Variants in ZNF358 observed in about 807,000 individuals in gnomAD.
ZNF358 encodes zinc finger protein 358.
Under a neutral mutation model 2.1 loss-of-function variants are expected in ZNF358, and 1 was observed. That is an observed-to-expected ratio of 0.49 (90% CI 0.17 to 2.30). The LOEUF (loss-of-function observed/expected upper bound fraction) is 2.30, where lower values mean the gene tolerates loss of function less well. ZNF358 is among the 30% of genes most tolerant of loss of function. ZNF358 has a pLI of 0.26. For missense variants in ZNF358, 665 were observed against 806.8 expected (o/e 0.82, Z 2.13); for synonymous variants, 381 against 359.7 (o/e 1.06, Z -0.67).
At position 7,520,442 on chromosome 19, in the gene ZNF358, AGCCGCTGCTGCAGCTGCCGCGGCCGCT is replaced by A; in HGVS notation, c.1203_1229del (p.Ala408_Ala416del). 1 of 1,445,014 alleles carries A rather than the reference AGCCGCTGCTGCAGCTGCCGCGGCCGCT, an allele frequency of 6.9e-7. No individual in the cohort carries two copies. The highest frequency in any genetic ancestry group is 1.2e-5 in the South Asian group (1 of 85,890). The allele number at this position is 1,445,014 out of a possible 1,614,324, so 89.5% of individuals were successfully genotyped here. A position where few individuals can be genotyped will look rare whatever the true frequency, so the allele number is the denominator to read the frequency against. On this transcript the variant is annotated inframe_deletion, in exon 2 of 2. Transcript: ENST00000597229. This position sits in a 1 kb window ranked among gnomAD's most constrained non-coding sequence, Gnocchi z 6.0. The stretch of plus-strand genomic sequence containing the variant: ...AGCACAAACGGGTGCATGAGGGTGC[AGCCGCTGCTGCAGCTGCCGCGGCCGCT>A]GCAGCTGCAGCAGCGGCCGCCGGCC...
At position 7,519,414 on chromosome 19, in the gene ZNF358, G is replaced by A. The variant is rs1256773748; in HGVS notation, c.172G>A (p.Asp58Asn). The A allele has an allele frequency of 6.2e-6, 10 of 1,613,920 alleles. No individual in the cohort carries two copies. Among genetic ancestry groups the A allele is most frequent in the East Asian group, 2.2e-5 (1 of 44,890 alleles). ...CCTCAACACTGTCCCGGAAGACGTG[G>A]ACCCCAGCTATGAAGATCTGGAGCC... ...EDLNTVPEDV[D>N]PSYEDLEPVS... The change falls in exon 2 of 2, where the codon GAC (aspartate) becomes AAC (asparagine). Residue 58 changes from aspartate to asparagine, a missense_variant. By Grantham distance (23) the Asp-to-Asn change is conservative (BLOSUM62 1). Around this residue, in one of 3 missense-constraint regions of ZNF358, gnomAD observed 206 missense variants for 228.4 expected, o/e 0.90. Coordinates refer to ENST00000597229, the MANE Select transcript of ZNF358 (RefSeq NM_018083.5).
At position 7,520,773 on chromosome 19, in the gene ZNF358, G is replaced by C; in HGVS notation, c.1531G>C (p.Asp511His). 1 of 1,613,888 alleles carries C rather than the reference G, an allele frequency of 6.2e-7. No homozygotes were observed. Among genetic ancestry groups the C allele is most frequent in the South Asian group, 1.1e-5 (1 of 91,074 alleles). Residue 511 changes from aspartate (D) to histidine (H), a missense_variant, in exon 2 of 2, where the codon GAC becomes CAC. By Grantham distance (81) the Asp-to-His change is moderately conservative. Coordinates refer to ENST00000597229, the MANE Select transcript of ZNF358 (RefSeq NM_018083.5). The surrounding 1 kb of genome is among the most constrained non-coding windows in gnomAD (Gnocchi z 6.0). ...DAGPDLVPSP[D>H]LDPVPSPDPD... is the part of the protein sequence containing the mutation. ...TGGTCCCGACCTTGTGCCCAGCCCA[G>C]ACCTTGATCCTGTGCCCAGCCCAGA...
Position 7,516,506 on chromosome 19 carries a change from A to G in ZNF358, c.-39+257A>G, listed in dbSNP as rs1181624532. On this transcript the variant is annotated intron_variant, in intron 1 of 1. Transcript: ENST00000597229. The surrounding 1 kb of genome is among the most constrained non-coding windows in gnomAD (Gnocchi z 5.9). The stretch of plus-strand genomic sequence containing the variant: ...AGGGCCAGGAGGTTGGGAGCCTTCA[A>G]TCGGGCGGGGTGGGGGGCGCCCGCC... Among the ~76,000 whole-genome samples the G allele has an allele frequency of 2.0e-5, 3 of 150,150 alleles. No individual in the cohort carries two copies. Among genetic ancestry groups the G allele is most frequent in the Non-Finnish European group, 4.5e-5 (3 of 67,412 alleles).
At chr19:7,515,983 C>A, upstream of ZNF358, 1 of 150,714 alleles carries the variant, frequency 6.6e-6, no homozygotes, top group African/African-American at 2.4e-5. Context: ...GCCGCGCGGT[C>A]GGGGTGGCCT....
At position 7,520,883 on chromosome 19, in the gene ZNF358, C is replaced by T. The variant is rs767310569; in HGVS notation, c.1641C>T (p.Ala547=). ...CSPTRGTVSP[A]LPTGESPEWV... ...CCACTCGTGGCACTGTCAGCCCAGC[C>T]CTCCCTACCGGCGAGAGTCCAGAGT... Residue 547 remains alanine (A), a synonymous_variant, in exon 2 of 2, where the codon GCC becomes GCT. Coordinates refer to ENST00000597229, the MANE Select transcript of ZNF358 (RefSeq NM_018083.5). This position sits in a 1 kb window ranked among gnomAD's most constrained non-coding sequence, Gnocchi z 6.0. The T allele has an allele frequency of 1.2e-6, 2 of 1,614,116 alleles. No homozygotes were observed. Among genetic ancestry groups the T allele is most frequent in the South Asian group, 1.1e-5 (1 of 91,082 alleles).
upstream of ZNF358, among the ~76,000 whole-genome samples, chr19:7,515,020 T>G (rs1021142101): frequency 5.9e-5 from 9 of 152,170 alleles, no homozygotes; most frequent in Non-Finnish European, 1.3e-4. Context: ...GTGATTTTTG[T>G]CTCAGAGGTG....
In ZNF358 at chr19:7,520,445, C is replaced by CGCTGCA. The variant is rs1568395490; in HGVS notation, c.1208_1209insAGCTGC (p.Ala415_Ala416dup). The CGCTGCA allele has an allele frequency of 2.1e-6, 3 of 1,461,298 alleles. No homozygotes were observed. The highest frequency in any genetic ancestry group is 2.3e-5 in the South Asian group (2 of 85,526). 90.5% of individuals were successfully genotyped at this position (1,461,298 alleles called of 1,614,324 possible). On this transcript the variant is annotated inframe_insertion, in exon 2 of 2. Transcript: ENST00000597229. This position sits in a 1 kb window ranked among gnomAD's most constrained non-coding sequence, Gnocchi z 6.0. ...ACAAACGGGTGCATGAGGGTGCAGCCGCTGCTGCAGCTGCCGCGGCCGCTG... is the reference window on the plus strand; with the variant it reads ...ACAAACGGGTGCATGAGGGTGCAGCCGCTGCAGCTGCTGCAGCTGCCGCGGCCGCTG...
At chr19:7,518,517 AAGAAGGAAGGAAG>A (rs918666080) in intron 1 of ZNF358, among the ~76,000 whole-genome samples, 4 of 136,388 alleles carry the variant, frequency 2.9e-5, no homozygotes, top group South Asian at 2.3e-4. Flanking sequence ...AAGGAAGGAA[AAGAAGGAAGGAAG>A]GAAAGAAAGA....
intron 1 of ZNF358, among the ~76,000 whole-genome samples, chr19:7,518,537 A>AAG (rs1397037112): frequency 5.1e-5 from 4 of 79,204 alleles, no homozygotes; most frequent in African/African-American, 1.7e-4. Context: ...GAAGGAAAGA[A>AAG]AGAAAGAAAG....
intron 1 of ZNF358, among the ~76,000 whole-genome samples, chr19:7,518,584 A>AAAGAAAGAAAGAAAG (rs1474916276): frequency 6.7e-6 from 1 of 149,472 alleles, no homozygotes; most frequent in Non-Finnish European, 1.5e-5. Context: ...AGAAAGAAAG[A>AAAGAAAGAAAGAAAG]AAGAAAGAAA....
At chr19:7,515,963 C>T (rs1217951409), upstream of ZNF358, among the ~76,000 whole-genome samples, 3 of 150,410 alleles carry the variant, frequency 2.0e-5, no homozygotes, top group African/African-American at 7.3e-5. Flanking sequence ...ACGGTGCAGA[C>T]AAAGGCGCGG....
chr19:7,518,660 T>C (rs898779569), intron 1 of ZNF358, among the ~76,000 whole-genome samples: 6 of 151,584 alleles, frequency 4.0e-5, no homozygotes, highest in African/African-American at 1.5e-4. Flanking sequence ...GAGGCCGAGG[T>C]GGGAGGATCG....
In ZNF358 at chr19:7,520,227, G is replaced by A. The variant is rs1568395308; in HGVS notation, c.985G>A (p.Gly329Arg). 1 of 1,606,800 alleles carries A rather than the reference G, an allele frequency of 6.2e-7. No individual in the cohort carries two copies. The highest frequency in any genetic ancestry group is 8.5e-7 in the Non-Finnish European group (1 of 1,179,544). Residue 329 changes from glycine to arginine, a missense_variant, in exon 2 of 2, where the codon GGG (glycine) becomes AGG (arginine). This residue lies in a region of ZNF358 where 210 missense variants were observed against 350.8 expected (regional missense o/e 0.60). Transcript: ENST00000597229. The surrounding 1 kb of genome is among the most constrained non-coding windows in gnomAD (Gnocchi z 6.0). ...YRCPHCGKAF[G>R]QSSNLQHHLR... ...CTGCCCCCACTGCGGCAAAGCCTTC[G>A]GGCAGAGCTCCAACTTGCAACACCA...
At position 7,519,657 on chromosome 19, in the gene ZNF358, G is replaced by A. The variant is rs562592460; in HGVS notation, c.415G>A (p.Ala139Thr). 2.5e-6 allele frequency: 4 copies of A among 1,581,158 alleles called. No individual in the cohort carries two copies. The highest frequency in any genetic ancestry group is 4.5e-5 in the East Asian group (2 of 44,678). ...CCCCCAGGTCTTGGCCACCAGCCCC[G>A]CGGTGCTCCCCGCCCCCGCCAGCCC... ...ATPQVLATSPAVLPAPASPPR... is the reference protein window; with the variant it reads ...ATPQVLATSPTVLPAPASPPR... Residue 139 changes from alanine (A) to threonine (T), a missense_variant, in exon 2 of 2, where the codon GCG (alanine) becomes ACG (threonine). Around this residue, in one of 3 missense-constraint regions of ZNF358, gnomAD observed 206 missense variants for 228.4 expected, o/e 0.90. Transcript: ENST00000597229.
Position 7,520,267 on chromosome 19 carries a change from C to T in ZNF358, c.1025C>T (p.Thr342Met). ...SNLQHHLRIH[T>M]GERPYACPHC... ...TTGCAACACCACCTGCGCATCCACA[C>T]GGGCGAGCGGCCCTACGCCTGCCCG... The change falls in exon 2 of 2, where the codon ACG (threonine) becomes ATG (methionine). Residue 342 changes from threonine (T) to methionine (M), a missense_variant. Thr to Met is a moderately conservative substitution (Grantham distance 81). Around this residue, in one of 3 missense-constraint regions of ZNF358, gnomAD observed 210 missense variants for 350.8 expected, o/e 0.60. Transcript: ENST00000597229. This position sits in a 1 kb window ranked among gnomAD's most constrained non-coding sequence, Gnocchi z 6.0. 3.1e-6 allele frequency: 5 copies of T among 1,609,222 alleles called. No homozygotes were observed. The highest frequency in any genetic ancestry group is 4.2e-6 in the Non-Finnish European group (5 of 1,179,560).
chr19:7,521,013 C>T lies in ZNF358; in HGVS notation c.*64C>T. On this transcript the variant is annotated 3_prime_UTR_variant, in exon 2 of 2. Coordinates refer to ENST00000597229, the MANE Select transcript of ZNF358 (RefSeq NM_018083.5). ...GTGTTGTGCAGTCAGTAAAATCCTC[C>T]CACTGCCTCCGGGCTCTGTGTCGTG... The T allele has an allele frequency of 6.4e-7, 1 of 1,564,076 alleles. No homozygotes were observed.
Position 7,519,968 on chromosome 19 carries a change from G to A in ZNF358, c.726G>A (p.Lys242=). The part of the protein sequence containing the change: ...EKPHHCPVCG[K]AFGHGSLLAQ... ...CGCACCACTGCCCGGTGTGTGGCAA[G>A]GCCTTCGGGCACGGCTCGCTCCTGG... The change falls in exon 2 of 2, where the codon AAG becomes AAA. Residue 242 remains lysine (K), a synonymous_variant. Transcript: ENST00000597229. 1 of 1,519,414 alleles carries A rather than the reference G, an allele frequency of 6.6e-7. No individual in the cohort carries two copies. The highest frequency in any genetic ancestry group is 8.8e-7 in the Non-Finnish European group (1 of 1,138,368). 94.1% of individuals were successfully genotyped at this position (1,519,414 alleles called of 1,614,324 possible). A position where few individuals can be genotyped will look rare whatever the true frequency, so the allele number is the denominator to read the frequency against.
chr19:7,515,328 C>T (rs541009934), upstream of ZNF358: 2 of 152,216 alleles, frequency 1.3e-5, no homozygotes, highest in Non-Finnish European at 2.9e-5. Flanking sequence ...CTTCCCGGCC[C>T]GGCGTAGGGT....
Position 7,520,463 on chromosome 19 carries a change from GGCCGCTGCAGCT to G in ZNF358, c.1224_1235del (p.Ala413_Ala416del). 3 of 1,434,398 alleles carry G rather than the reference GGCCGCTGCAGCT, an allele frequency of 2.1e-6. No homozygotes were observed. 88.9% of individuals were successfully genotyped at this position (1,434,398 alleles called of 1,614,324 possible). On this transcript the variant is annotated inframe_deletion, in exon 2 of 2. Transcript: ENST00000597229. This position sits in a 1 kb window ranked among gnomAD's most constrained non-coding sequence, Gnocchi z 6.0. ...GTGCAGCCGCTGCTGCAGCTGCCGC[GGCCGCTGCAGCT>G]GCAGCAGCGGCCGCCGGCCTGGGCC...
Sources: allele counts gnomAD v4.1 joint callset (sites outside exome capture counted in the v4.1 genomes callset), GRCh38; gene constraint gnomAD v4.1.1; regional missense constraint gnomAD v4.1.1; non-coding constraint Gnocchi (gnomAD v3.1); transcripts MANE v1.5; gene names NCBI Gene and HGNC (gene_info 2026-07-23, HGNC 2026-07-21).